The following LRRC69 variants were observed in gnomAD, a reference collection of about 807,000 sequenced individuals.
LRRC69 encodes leucine-rich repeat-containing protein 69.
A neutral mutation model predicts 37.8 loss-of-function variants in LRRC69; 42 were observed. The ratio of observed to expected loss-of-function variants is 1.11; its 90% CI spans 0.87 to 1.44. LRRC69 has a LOEUF of 1.44. Among genes scored for constraint, LRRC69 ranks in the 40% most tolerant of loss-of-function variants. The pLI, the probability that LRRC69 is intolerant of heterozygous loss-of-function variation, is 0.00. For missense variants in LRRC69, 357 were observed against 401.9 expected (o/e 0.89, Z 0.96); for synonymous variants, 141 against 143.1 (o/e 0.99, Z 0.11).
At chr8:91,110,720 G>C (rs1015851934) in intron 1 of LRRC69, among the ~76,000 whole-genome samples, 1 of 151,954 alleles carries the variant, frequency 6.6e-6, no homozygotes, top group Non-Finnish European at 1.5e-5. Context: ...GTAGCATAGA[G>C]TTTTCTAGTG....
At chr8:91,211,648 CTCTT>C (rs1251386364) in intron 7 of LRRC69, among the ~76,000 whole-genome samples, 3 of 147,328 alleles carry the variant, frequency 2.0e-5, no homozygotes, top group African/African-American at 7.4e-5. Flanking sequence ...TTGGAAGCCT[CTCTT>C]TCTGTTAAAT....
chr8:91,104,369 T>G (rs1350139628), intron 1 of LRRC69, among the ~76,000 whole-genome samples: 1 of 151,976 alleles, frequency 6.6e-6, no homozygotes, highest in Non-Finnish European at 1.5e-5. Flanking sequence ...ATTAAATATT[T>G]GTTTTGTGTC....
At chr8:91,137,289 G>T (rs1808439267) in intron 5 of LRRC69, among the ~76,000 whole-genome samples, 1 of 151,852 alleles carries the variant, frequency 6.6e-6, no homozygotes, top group South Asian at 2.1e-4. Flanking sequence ...TGGTACCCCT[G>T]GTGCCACTGC....
rs1179167536 is a variant in LRRC69 at position 91,194,645 on chromosome 8, G to A, written c.753+5022G>A. Among the ~76,000 whole-genome samples the A allele has an allele frequency of 2.6e-5, 4 of 152,050 alleles. No individual in the cohort carries two copies. The East Asian group carries it at 5.8e-4, about 22-fold the overall frequency. On this transcript the variant is annotated intron_variant, in intron 6 of 7. Transcript: ENST00000448384. ...CTAGTTTATTTGCGTAGAGGTGTTT[G>A]TAGTATTCTCTGATGGTAGTTTGTA...
chr8:91,197,332 G>GAGGC (rs1809623593), intron 6 of LRRC69, among the ~76,000 whole-genome samples: 1 of 152,190 alleles, frequency 6.6e-6, no homozygotes. Flanking sequence ...GGAGCCTACA[G>GAGGC]AGGCAGGCAG....
At chr8:91,182,577 A>G (rs1239703137) in intron 5 of LRRC69, among the ~76,000 whole-genome samples, 4 of 152,230 alleles carry the variant, frequency 2.6e-5, no homozygotes, top group Non-Finnish European at 1.5e-5. Flanking sequence ...ATTAGCCACT[A>G]TGAGGAACCT....
intron 5 of LRRC69, among the ~76,000 whole-genome samples, chr8:91,144,210 A>G (rs750630638): frequency 6.6e-6 from 1 of 152,022 alleles, no homozygotes; most frequent in Non-Finnish European, 1.5e-5. Context: ...TTTCAAAGCC[A>G]TGAGATCACC....
chr8:91,191,491 T>A (rs1809495766), intron 6 of LRRC69, among the ~76,000 whole-genome samples: 1 of 152,174 alleles, frequency 6.6e-6, no homozygotes, highest in Admixed American at 6.5e-5. Context: ...ATTGACCACT[T>A]TTTATAGATA....
chr8:91,142,024 A>G (rs1217044319), intron 5 of LRRC69, among the ~76,000 whole-genome samples: 1 of 152,034 alleles, frequency 6.6e-6, no homozygotes, highest in East Asian at 1.9e-4. Context: ...TTCAACAGAA[A>G]AAAAAGTAAA....
At chr8:91,191,050 C>CG (rs1444779125) in intron 6 of LRRC69, among the ~76,000 whole-genome samples, 1 of 142,946 alleles carries the variant, frequency 7.0e-6, no homozygotes, top group East Asian at 2.1e-4. Context: ...AACCCCCCCC[C>CG]CCCCAAGTCA....
At chr8:91,211,908 T>G (rs1809934036) in intron 7 of LRRC69, among the ~76,000 whole-genome samples, 1 of 152,070 alleles carries the variant, frequency 6.6e-6, no homozygotes. Flanking sequence ...TTGTAATTGC[T>G]TCTATTCAGG....
At chr8:91,157,476 A>G in intron 5 of LRRC69, 2 of 1,598,826 alleles carry the variant, frequency 1.3e-6, no homozygotes, top group South Asian at 1.1e-5. Flanking sequence ...AAGGAAGTTT[A>G]CATGCAAATT....
chr8:91,176,134 A>ATATATTTTTTTTTTTT, intron 5 of LRRC69, among the ~76,000 whole-genome samples: 45 of 75,694 alleles, frequency 5.9e-4, no homozygotes, highest in African/African-American at 1.9e-3. Context: ...ATATATATAT[A>ATATATTTTTTTTTTTT]TTTTTTTTTT....
At chr8:91,184,225 G>C (rs546075807) in intron 5 of LRRC69, among the ~76,000 whole-genome samples, 1 of 152,146 alleles carries the variant, frequency 6.6e-6, no homozygotes, top group African/African-American at 2.4e-5. Context: ...GCTACAGTGA[G>C]CTGAGATCGT....
chr8:91,106,970 T>TAAA (rs1813326005), intron 1 of LRRC69, among the ~76,000 whole-genome samples: 1 of 149,936 alleles, frequency 6.7e-6, no homozygotes, highest in Non-Finnish European at 1.5e-5. Flanking sequence ...TTAAAAAAAT[T>TAAA]TTTTTTTTTT....
At chr8:91,111,029 T>G (rs1813400872) in intron 1 of LRRC69, among the ~76,000 whole-genome samples, 1 of 152,108 alleles carries the variant, frequency 6.6e-6, no homozygotes, top group East Asian at 1.9e-4. Context: ...ATCATTCAAC[T>G]AATATTTATT....
rs1031281553 is a variant in LRRC69, at chr8:91,182,041, C to T, written c.652-7481C>T. On this transcript the variant is annotated intron_variant, in intron 5 of 7. Coordinates refer to ENST00000448384, the Ensembl canonical transcript of LRRC69. Reference sequence around the variant, plus strand: ...GCACATTTTTCTTCACATCAGGGGGCCTATTTTTGGTCTATTTTCCAACAT... The same window carrying T: ...GCACATTTTTCTTCACATCAGGGGGTCTATTTTTGGTCTATTTTCCAACAT... 6.4e-4 allele frequency among the ~76,000 whole-genome samples: 97 copies of T among 152,032 alleles called. 1 individual carries two copies. Among genetic ancestry groups the T allele is most frequent in the African/African-American group, 2.3e-3 (94 of 41,492 alleles).
chr8:91,180,504 T>G (rs1277765469), intron 5 of LRRC69, among the ~76,000 whole-genome samples: 2 of 152,194 alleles, frequency 1.3e-5, no homozygotes, highest in African/African-American at 4.8e-5. Flanking sequence ...TTTATTCTAT[T>G]CATTAGAAGT....
At chr8:91,112,351 C>T (rs1490731995) in intron 1 of LRRC69, among the ~76,000 whole-genome samples, 1 of 152,006 alleles carries the variant, frequency 6.6e-6, no homozygotes, top group Non-Finnish European at 1.5e-5. Flanking sequence ...CACCAAGGGG[C>T]ATCCCCTTGG....
Sources: gnomAD v4.1 joint callset for allele counts (sites outside exome capture counted in the v4.1 genomes callset) on GRCh38, gnomAD v4.1.1 for gene constraint, MANE v1.5 for transcripts, NCBI Gene and HGNC (gene_info 2026-07-23, HGNC 2026-07-21) for gene names.